Variants in GRIN2A observed in about 807,000 individuals in gnomAD.
GRIN2A encodes the protein glutamate receptor ionotropic, NMDA 2A.
Under a neutral mutation model 113.4 loss-of-function variants are expected in GRIN2A, and 22 were observed. The observed-to-expected ratio is 0.19, with a 90% CI of 0.14 to 0.28. The LOEUF (loss-of-function observed/expected upper bound fraction) is 0.28, where lower values mean the gene tolerates loss of function less well. Among genes scored for constraint, GRIN2A ranks in the 10% least tolerant of loss-of-function variants. The probability of loss-of-function intolerance (pLI) is 1.00; values close to 1 mark genes in which losing one functional copy is unlikely to be tolerated. For missense variants in GRIN2A, 1,502 were observed against 1,887.0 expected (o/e 0.80, Z 3.78); for synonymous variants, 827 against 738.4 (o/e 1.12, Z -1.94).
At chr16:9,874,522 G>A (rs2043327866) in intron 4 of GRIN2A, among the ~76,000 whole-genome samples, 1 of 152,208 alleles carries the variant, frequency 6.6e-6, no homozygotes, top group Admixed American at 6.5e-5. Flanking sequence ...CCACTGTGCA[G>A]GGATGGGGGG....
chr16:9,986,643 T>C (rs1176177391), intron 2 of GRIN2A, among the ~76,000 whole-genome samples: 1 of 151,244 alleles, frequency 6.6e-6, no homozygotes, highest in Non-Finnish European at 1.5e-5. Context: ...CGGGTGCCTG[T>C]AATCCCAGCT....
chr16:10,049,680 A>G (rs1045633242), intron 2 of GRIN2A, among the ~76,000 whole-genome samples: 5 of 152,138 alleles, frequency 3.3e-5, no homozygotes, highest in Non-Finnish European at 7.4e-5. Context: ...CGACCAGCCC[A>G]CAACTTGCCT....
rs772778071 is a variant in GRIN2A, at chr16:9,761,424, G to A, written c.*1725C>T. ...GAGTCTACATTAGCTTAGTGTTTCC[G>A]TAATGGCCCAAAACAGACTGAGGTC... On this transcript the variant is annotated 3_prime_UTR_variant, in exon 13 of 13. Transcript: ENST00000330684. 2.7e-4 allele frequency: 63 copies of A among 231,110 alleles called. No homozygotes were observed. The highest frequency in any genetic ancestry group is 1.3e-3 in the Middle Eastern group (1 of 770). The allele number at this position is 231,110 out of a possible 1,614,324, so 14.3% of individuals were successfully genotyped here.
chr16:9,948,405 C>T (rs913887415), intron 2 of GRIN2A, among the ~76,000 whole-genome samples: 1 of 152,174 alleles, frequency 6.6e-6, no homozygotes, highest in African/African-American at 2.4e-5. Context: ...TGCTGCTAGT[C>T]CATGGACCAA....
chr16:9,782,832 T>C (rs2141186349), intron 11 of GRIN2A, among the ~76,000 whole-genome samples: 1 of 152,364 alleles, frequency 6.6e-6, no homozygotes, highest in South Asian at 2.1e-4. Flanking sequence ...ATCTGTTTCT[T>C]AATAAGTACT....
chr16:10,145,747 T>A (rs542523580), intron 2 of GRIN2A, among the ~76,000 whole-genome samples: 11 of 152,228 alleles, frequency 7.2e-5, no homozygotes, highest in Non-Finnish European at 1.0e-4. Flanking sequence ...ATGGTCGCCA[T>A]AGCAACTGCT....
chr16:10,121,227 C>T (rs2048827050), intron 2 of GRIN2A: 1 of 152,578 alleles, frequency 6.6e-6, no homozygotes, highest in African/African-American at 2.4e-5. Context: ...CATTGAGCTA[C>T]AGGAAGGATT....
At chr16:10,050,497 C>A (rs967584537) in intron 2 of GRIN2A, among the ~76,000 whole-genome samples, 1 of 151,862 alleles carries the variant, frequency 6.6e-6, no homozygotes, top group Non-Finnish European at 1.5e-5. Context: ...ACTGCACATA[C>A]GAGGGATCTA....
At chr16:10,074,405 G>C (rs1304218182) in intron 2 of GRIN2A, among the ~76,000 whole-genome samples, 3 of 152,200 alleles carry the variant, frequency 2.0e-5, no homozygotes, top group African/African-American at 7.2e-5. Context: ...ACTGAAAACA[G>C]ATGTTCAAAC....
chr16:9,840,214 C>A (rs1026212348), intron 7 of GRIN2A, among the ~76,000 whole-genome samples: 14 of 152,068 alleles, frequency 9.2e-5, no homozygotes, highest in Admixed American at 3.3e-4. Flanking sequence ...AGGAAACTTA[C>A]AATCATGGCA....
intron 2 of GRIN2A, among the ~76,000 whole-genome samples, chr16:10,151,229 G>C (rs1057253266): frequency 1.3e-5 from 2 of 152,178 alleles, no homozygotes; most frequent in African/African-American, 4.8e-5. Flanking sequence ...TTAATTTTGA[G>C]TAGCATGCCC....
At chr16:10,061,845 G>T (rs1001297354) in intron 2 of GRIN2A, among the ~76,000 whole-genome samples, 4 of 152,240 alleles carry the variant, frequency 2.6e-5, no homozygotes, top group Admixed American at 6.5e-5. Context: ...TGGCAGAGGG[G>T]ACACCTTCAT....
chr16:10,100,546 A>C (rs908364503), intron 2 of GRIN2A, among the ~76,000 whole-genome samples: 4 of 152,226 alleles, frequency 2.6e-5, no homozygotes, highest in Non-Finnish European at 5.9e-5. Context: ...GATGGCATGT[A>C]GAAAGCACCT....
chr16:10,158,094 T>G (rs2049738958), intron 2 of GRIN2A, among the ~76,000 whole-genome samples: 1 of 152,116 alleles, frequency 6.6e-6, no homozygotes, highest in Non-Finnish European at 1.5e-5. Context: ...AGCCTCAACC[T>G]CCTGGGCTCA....
intron 2 of GRIN2A, among the ~76,000 whole-genome samples, chr16:10,064,887 C>T (rs1453296972): frequency 3.9e-5 from 6 of 152,204 alleles, no homozygotes; most frequent in Admixed American, 1.3e-4. Flanking sequence ...AGCATTCACA[C>T]GGTCAGTGCA....
At position 9,760,374 on chromosome 16, in the gene GRIN2A, A is replaced by ATTTTTTTTTTTTTTTTTTTTTTTTTTTT. The variant is rs35189803; in HGVS notation, c.*2774_*2775insAAAAAAAAAAAAAAAAAAAAAAAAAAAA. 1 of 89,550 alleles carries ATTTTTTTTTTTTTTTTTTTTTTTTTTTT rather than the reference A, an allele frequency of 1.1e-5. No homozygotes were observed. The highest frequency in any genetic ancestry group is 5.0e-5 in the African/African-American group (1 of 20,090). 5.5% of individuals were successfully genotyped at this position (89,550 alleles called of 1,614,324 possible). On this transcript the variant is annotated 3_prime_UTR_variant, in exon 13 of 13. Coordinates refer to ENST00000330684, the MANE Select transcript of GRIN2A (RefSeq NM_001134407.3). ...AAATTGACCATCTGATCAGTAGTTG[A>ATTTTTTTTTTTTTTTTTTTTTTTTTTTT]TTTTTTTTTTTTTTTTTTTTTTTTG...
At chr16:9,867,443 C>T (rs1234469505) in intron 4 of GRIN2A, among the ~76,000 whole-genome samples, 8 of 152,154 alleles carry the variant, frequency 5.3e-5, no homozygotes, top group East Asian at 1.9e-4. Flanking sequence ...ACAAACTCAC[C>T]TGCCTCTGCA....
At chr16:9,966,368 T>A (rs548808793) in intron 2 of GRIN2A, among the ~76,000 whole-genome samples, 3 of 152,150 alleles carry the variant, frequency 2.0e-5, no homozygotes, top group Non-Finnish European at 2.9e-5. Context: ...TAATATATGA[T>A]ATTTGGTTAT....
Position 9,938,246 on chromosome 16 carries a change from C to T in GRIN2A, c.720G>A (p.Leu240=), listed in dbSNP as rs1041367014. 1 of 1,614,056 alleles carries T rather than the reference C, an allele frequency of 6.2e-7. No homozygotes were observed. The highest frequency in any genetic ancestry group is 1.7e-5 in the Admixed American group (1 of 60,024). The change falls in exon 3 of 13, where the codon CTG becomes CTA. Residue 240 remains leucine, a synonymous_variant. Coordinates refer to ENST00000330684, the MANE Select transcript of GRIN2A (RefSeq NM_001134407.3). ...YCSKDEAVLI[L]SEARSLGLTG... is the part of the protein sequence containing the mutation. Reference sequence around the variant, plus strand: ...TGAGGCCAAGGGAGCGGGCCTCACTCAGAATGAGAACAGCCTCGTCTTTGG... The same window carrying T: ...TGAGGCCAAGGGAGCGGGCCTCACTTAGAATGAGAACAGCCTCGTCTTTGG...
Sources: allele counts gnomAD v4.1 joint callset (sites outside exome capture counted in the v4.1 genomes callset), GRCh38; gene constraint gnomAD v4.1.1; transcripts MANE v1.5; gene names NCBI Gene and HGNC (gene_info 2026-07-23, HGNC 2026-07-21).